Variants in SMARCA5 observed in about 807,000 individuals in gnomAD.
SMARCA5 encodes the protein SNF2 related chromatin remodeling ATPase 5, also known as SWI/SNF-related matrix-associated actin-dependent regulator of chromatin subfamily A member 5.
SMARCA5 carries 18 observed loss-of-function variants against 140.4 expected under a neutral mutation model. The observed-to-expected ratio is 0.13, with a 90% CI of 0.09 to 0.19. The LOEUF (loss-of-function observed/expected upper bound fraction) is 0.19. Among genes scored for constraint, SMARCA5 ranks in the 10% least tolerant of loss-of-function variants. The pLI is 1.00. For synonymous variants in SMARCA5, 449 were observed against 419.6 expected, an observed-to-expected ratio of 1.07 and a Z score of -0.86; for missense variants, 606 against 1,276.8, an observed-to-expected ratio of 0.47 and a Z score of 8.01.
chr4:143,546,987 T>A, intron 20 of SMARCA5, 79 bp downstream of exon 20: 1 of 1,371,730 alleles, frequency 7.3e-7, no homozygotes, highest in Non-Finnish European at 1.0e-6. Flanking sequence ...AATTATGTTG[T>A]GATTAGCTAA....
chr4:143,550,266 T>C, intron 23 of SMARCA5, among the ~76,000 whole-genome samples, 162 bp downstream of exon 23: 1 of 142,874 alleles, frequency 7.0e-6, no homozygotes, highest in East Asian at 2.1e-4. Context: ...GAACCCAAGC[T>C]CATAATTTGA....
At chr4:143,524,055 G>T (rs1209698263) in intron 3 of SMARCA5, among the ~76,000 whole-genome samples, 1 of 152,008 alleles carries the variant, frequency 6.6e-6, no homozygotes, top group Non-Finnish European at 1.5e-5. Context: ...TTTTAAAAAG[G>T]TACACTTTAA....
intron 10 of SMARCA5, among the ~76,000 whole-genome samples, chr4:143,536,118 T>G (rs897107029): frequency 1.3e-5 from 2 of 152,202 alleles, no homozygotes; most frequent in Non-Finnish European, 2.9e-5. Flanking sequence ...TAAAATTATG[T>G]TTAAAACTTA....
chr4:143,552,990 G>A (rs1737675872), intron 23 of SMARCA5, 129 bp from the exon 24 acceptor site: 2 of 646,422 alleles, frequency 3.1e-6, no homozygotes, highest in Admixed American at 2.7e-5. Context: ...GATTTATATA[G>A]CCTGGGGGAA....
intron 17 of SMARCA5, 26 bp downstream of exon 17, chr4:143,544,873 A>T: frequency 8.3e-7 from 1 of 1,199,972 alleles, no homozygotes; most frequent in Non-Finnish European, 1.2e-6. Flanking sequence ...CAGCATAAAA[A>T]TATCTAAAAA....
intron 19 of SMARCA5, 49 bp downstream of exon 19, chr4:143,546,096 A>T (rs1247831368): frequency 6.8e-7 from 1 of 1,460,590 alleles, no homozygotes; most frequent in Non-Finnish European, 9.2e-7. Context: ...GTTGTAAAGG[A>T]CTGTGTTAGG....
chr4:143,518,499 A>G (rs1736889556), intron 2 of SMARCA5, among the ~76,000 whole-genome samples: 1 of 152,176 alleles, frequency 6.6e-6, no homozygotes, highest in Non-Finnish European at 1.5e-5. Flanking sequence ...AGTACCCAGA[A>G]CAGTATCTGG....
At chr4:143,536,191 A>C (rs1197279937) in intron 10 of SMARCA5, among the ~76,000 whole-genome samples, 4 of 152,186 alleles carry the variant, frequency 2.6e-5, no homozygotes, top group African/African-American at 9.6e-5. Flanking sequence ...ATTCTACCCA[A>C]GGGAACTGTT....
intron 4 of SMARCA5, among the ~76,000 whole-genome samples, chr4:143,524,821 T>C (rs537365042): frequency 6.6e-6 from 1 of 152,316 alleles, no homozygotes; most frequent in African/African-American, 2.4e-5. Flanking sequence ...ATTAATTTAA[T>C]TTTTTGTGAA....
intron 13 of SMARCA5, among the ~76,000 whole-genome samples, chr4:143,539,923 G>A (rs1304204716): frequency 2.0e-5 from 3 of 152,140 alleles, no homozygotes; most frequent in Admixed American, 2.0e-4. Context: ...TTTTAGGAAT[G>A]TAGTTAGCAA....
chr4:143,555,581 TTAAC>T lies in SMARCA5; in HGVS notation c.*2398_*2401del. 1 of 309,774 alleles carries T rather than the reference TTAAC, an allele frequency of 3.2e-6. No individual in the cohort carries two copies. The highest frequency in any genetic ancestry group is 8.1e-5 in the East Asian group (1 of 12,288). The allele number at this position is 309,774 out of a possible 1,614,324, so 19.2% of individuals were successfully genotyped here. A position where few individuals can be genotyped will look rare whatever the true frequency, so the allele number is the denominator to read the frequency against. On this transcript the variant is annotated 3_prime_UTR_variant, in exon 24 of 24. Coordinates refer to ENST00000283131, the MANE Select transcript of SMARCA5 (RefSeq NM_003601.4). ...ACTGAATAAATGTCTTTTTTTTTTT[TTAAC>T]AACAAAGCATGAAAGATTGCTTAAT... is the stretch of plus-strand genomic sequence containing the variant.
Position 143,557,252 on chromosome 4 carries a change from T to C in SMARCA5, c.*4068T>C, listed in dbSNP as rs915866672. The C allele has an allele frequency of 6.6e-6, 1 of 152,218 alleles. No individual in the cohort carries two copies. Among genetic ancestry groups the C allele is most frequent in the Non-Finnish European group, 1.5e-5 (1 of 68,040 alleles). 9.4% of individuals were successfully genotyped at this position (152,218 alleles called of 1,614,324 possible). On this transcript the variant is annotated 3_prime_UTR_variant, in exon 24 of 24. Transcript: ENST00000283131. ...GTATCTCCAGTACAAGAAGAAAGTTTATCAGAATTTAGTTAATGTTGGAAA... is the reference window on the plus strand; with the variant it reads ...GTATCTCCAGTACAAGAAGAAAGTTCATCAGAATTTAGTTAATGTTGGAAA...
At chr4:143,536,081 A>G (rs888120871) in intron 10 of SMARCA5, among the ~76,000 whole-genome samples, 9 of 152,208 alleles carry the variant, frequency 5.9e-5, no homozygotes, top group African/African-American at 1.7e-4. Flanking sequence ...GAATAGTGGC[A>G]CTTTCTGTTG....
intron 22 of SMARCA5, 192 bp downstream of exon 22, chr4:143,548,332 A>C: frequency 2.4e-6 from 1 of 420,892 alleles, no homozygotes; most frequent in Non-Finnish European, 4.2e-6. Flanking sequence ...TACGTCTTTA[A>C]ATATCACTAT....
At chr4:143,529,096 G>A (rs1364265979) in intron 8 of SMARCA5, among the ~76,000 whole-genome samples, 9 of 151,974 alleles carry the variant, frequency 5.9e-5, no homozygotes, top group Admixed American at 5.2e-4. Context: ...CACCATGCCC[G>A]GCTAGTTTCT....
At chr4:143,516,452 G>GC (rs1736838462) in intron 1 of SMARCA5, among the ~76,000 whole-genome samples, 1 of 152,054 alleles carries the variant, frequency 6.6e-6, no homozygotes, top group Non-Finnish European at 1.5e-5. Context: ...TTTTATTTTT[G>GC]TAGGTTGCAT....
intron 3 of SMARCA5, among the ~76,000 whole-genome samples, chr4:143,522,857 T>A (rs997875750): frequency 1.3e-5 from 2 of 152,098 alleles, no homozygotes; most frequent in African/African-American, 4.8e-5. Flanking sequence ...CTATTGGAAA[T>A]AGTAATAATA....
intron 5 of SMARCA5, among the ~76,000 whole-genome samples, chr4:143,525,953 T>C (rs1282457076): frequency 6.6e-6 from 1 of 152,232 alleles, no homozygotes; most frequent in Non-Finnish European, 1.5e-5. Context: ...TAAAAAAGTT[T>C]CCTTATTGCT....
Position 143,517,344 on chromosome 4 carries a change from C to T in SMARCA5, c.178-11C>T. ...GAAGACCAATTCTATTTAATTATTT[C>T]TTTCTACCAGGAAATATTTGATGAT... is the stretch of plus-strand genomic sequence containing the variant. On this transcript the variant is annotated splice_polypyrimidine_tract_variant and intron_variant, in intron 1 of 23. Transcript: ENST00000283131. 2.5e-6 allele frequency: 4 copies of T among 1,594,394 alleles called. No homozygotes were observed. The highest frequency in any genetic ancestry group is 3.4e-6 in the Non-Finnish European group (4 of 1,167,966).
Sources: allele counts gnomAD v4.1 joint callset (sites outside exome capture counted in the v4.1 genomes callset), GRCh38; gene constraint gnomAD v4.1.1; transcripts MANE v1.5; gene names NCBI Gene and HGNC (gene_info 2026-07-23, HGNC 2026-07-21).